Variants in SLC35E2B observed in about 807,000 individuals in gnomAD.
The protein encoded by SLC35E2B is solute carrier family 35, member E2B.
A neutral mutation model predicts 32.4 loss-of-function variants in SLC35E2B; 18 were observed. That is an observed-to-expected ratio of 0.56 (90% CI 0.38 to 0.82). The LOEUF is 0.82. SLC35E2B is among the 40% of genes least tolerant of loss of function. The pLI, the probability that SLC35E2B is intolerant of heterozygous loss-of-function variation, is 0.00. For missense variants in SLC35E2B, 263 were observed against 469.5 expected (o/e 0.56, Z 4.06); for synonymous variants, 132 against 209.1 (o/e 0.63, Z 3.18).
At chr1:1,679,701 T>C (rs891460780) in intron 2 of SLC35E2B, among the ~76,000 whole-genome samples, 3 of 150,818 alleles carry the variant, frequency 2.0e-5, no homozygotes, top group African/African-American at 7.3e-5. Flanking sequence ...GTGTGGTGGC[T>C]GGCACCTGTA....
intron 8 of SLC35E2B, 130 bp downstream of exon 8, chr1:1,669,534 A>G (rs1643629931): frequency 1.1e-6 from 1 of 890,978 alleles, no homozygotes; most frequent in Non-Finnish European, 1.7e-6. Flanking sequence ...AACTCAGCTA[A>G]GCAGGACCCG....
intron 2 of SLC35E2B, among the ~76,000 whole-genome samples, chr1:1,680,113 G>A (rs1643888182): frequency 1.3e-5 from 2 of 151,388 alleles, no homozygotes; most frequent in Admixed American, 6.6e-5. Context: ...GGCAACAAGA[G>A]TGAAACTCCG....
At chr1:1,690,323 T>TATATAC (rs1557768927) in intron 2 of SLC35E2B, among the ~76,000 whole-genome samples, 1 of 142,076 alleles carries the variant, frequency 7.0e-6, no homozygotes, top group African/African-American at 2.6e-5. Flanking sequence ...TATATATATA[T>TATATAC]ACATACCATA....
rs77628519 is a variant in SLC35E2B at position 1,679,379 on chromosome 1, C to T, written c.-147-2533G>A. ...AAAACTGCTCCCCGCAATGAGGACC[C>T]CCATTCCCCTTCTCTGCTGACACTG... is the stretch of plus-strand genomic sequence containing the variant. On this transcript the variant is annotated intron_variant, in intron 2 of 9. Transcript: ENST00000617444. 3.4e-3 allele frequency among the ~76,000 whole-genome samples: 515 copies of T among 152,240 alleles called. 5 individuals are homozygous for T. The highest frequency in any genetic ancestry group is 7.8e-3 in the African/African-American group (323 of 41,494).
Position 1,675,608 on chromosome 1 carries a change from G to A in SLC35E2B, c.459-18C>T, listed in dbSNP as rs1318104785. 3 of 1,523,412 alleles carry A rather than the reference G, an allele frequency of 2.0e-6. No homozygotes were observed. The highest frequency in any genetic ancestry group is 1.8e-6 in the Non-Finnish European group (2 of 1,136,582). 94.4% of individuals were successfully genotyped at this position (1,523,412 alleles called of 1,614,324 possible). ...TTGCAAACCTAAAAATGAGCCAAAA[G>A]CACCATCACCTTAGAACGAGTCTGT... is the stretch of plus-strand genomic sequence containing the variant. On this transcript the variant is annotated intron_variant, in intron 4 of 9. Coordinates refer to ENST00000617444, the MANE Select transcript of SLC35E2B (RefSeq NM_001290264.2).
intron 6 of SLC35E2B, 158 bp downstream of exon 6, chr1:1,671,351 G>T: frequency 1.2e-6 from 1 of 810,432 alleles, no homozygotes; most frequent in Non-Finnish European, 1.7e-6. Flanking sequence ...CTTACCTGCC[G>T]GGGATACCTG....
Position 1,665,434 on chromosome 1 carries a change from G to A in SLC35E2B, c.*348C>T, listed in dbSNP as rs191125202. The stretch of plus-strand genomic sequence containing the variant: ...TTGGCTGTGGCAGGGAGCGGCTCTC[G>A]TTGGCACTGGACCCACCTCTGGCTC... On this transcript the variant is annotated 3_prime_UTR_variant, in exon 10 of 10. Transcript: ENST00000617444. 241 of 480,760 alleles carry A rather than the reference G, an allele frequency of 5.0e-4. 2 individuals are homozygous for A. Among genetic ancestry groups the A allele is most frequent in the African/African-American group, 4.3e-3 (217 of 50,762 alleles). The allele number at this position is 480,760 out of a possible 1,614,324, so 29.8% of individuals were successfully genotyped here.
chr1:1,677,499 A>T, intron 2 of SLC35E2B, among the ~76,000 whole-genome samples: 1 of 134,588 alleles, frequency 7.4e-6, no homozygotes. Flanking sequence ...TTTTTTTGAG[A>T]CGGAGTATTG....
At chr1:1,672,076 TA>T in intron 5 of SLC35E2B, 1 of 153,448 alleles carries the variant, frequency 6.5e-6, no homozygotes, top group Non-Finnish European at 1.5e-5. Context: ...GAAGGATTTT[TA>T]AAAAATCTAT....
At chr1:1,667,417 A>AAATG (rs1643576265) in intron 9 of SLC35E2B, among the ~76,000 whole-genome samples, 6 of 25,248 alleles carry the variant, frequency 2.4e-4, no homozygotes, top group African/African-American at 7.0e-4. Context: ...TGTCTCAAAA[A>AAATG]AATAAATAAA....
rs1372323271 is a variant in SLC35E2B, at chr1:1,669,682, C to T, written c.816G>A (p.Pro272=). 9.8e-6 allele frequency: 15 copies of T among 1,528,926 alleles called. No homozygotes were observed. The highest frequency in any genetic ancestry group is 4.8e-5 in the South Asian group (4 of 83,568). 94.7% of individuals were successfully genotyped at this position (1,528,926 alleles called of 1,614,324 possible). ...AACCCACCGTAAAGAAAACCCGGGCCGGGACGAGCATGGCCACCGCAGCGG... is the reference window on the plus strand; with the variant it reads ...AACCCACCGTAAAGAAAACCCGGGCTGGGACGAGCATGGCCACCGCAGCGG... ...TSAAAVAMLV[P]ARVFFTDVPV... The change falls in exon 8 of 10, where the codon CCG becomes CCA. Residue 272 remains proline, a synonymous_variant. Transcript: ENST00000617444.
intron 2 of SLC35E2B, among the ~76,000 whole-genome samples, chr1:1,682,968 T>G (rs958009270): frequency 6.6e-6 from 1 of 151,828 alleles, no homozygotes; most frequent in Non-Finnish European, 1.5e-5. Context: ...TCCCACCTAC[T>G]CAAGAGGTTG....
In SLC35E2B at chr1:1,665,063, C is replaced by A. The variant is rs1444518518; in HGVS notation, c.*719G>T. The A allele has an allele frequency of 1.5e-6, 1 of 650,326 alleles. No homozygotes were observed. The highest frequency in any genetic ancestry group is 1.9e-6 in the Non-Finnish European group (1 of 523,136). 40.3% of individuals were successfully genotyped at this position (650,326 alleles called of 1,614,324 possible). A position where few individuals can be genotyped will look rare whatever the true frequency, so the allele number is the denominator to read the frequency against. On this transcript the variant is annotated 3_prime_UTR_variant, in exon 10 of 10. Transcript: ENST00000617444. ...GCCCTGGGGTTGCGGGGAGCTCACG[C>A]AGCCCAGGGTGTGGAAGGGATAGGA...
intron 2 of SLC35E2B, among the ~76,000 whole-genome samples, chr1:1,681,546 G>A (rs918737038): frequency 4.8e-5 from 7 of 146,732 alleles, no homozygotes; most frequent in Admixed American, 2.1e-4. Context: ...TTACTCTGTC[G>A]CCCAGGCTAG....
At position 1,681,071 on chromosome 1, in the gene SLC35E2B, G is replaced by A. The variant is rs536730283; in HGVS notation, c.-147-4225C>T. The stretch of plus-strand genomic sequence containing the variant: ...CAGCCAACTCAAGGGCAGCCAGGCA[G>A]GAGCCACCCCTGCAGAGGCACCCAC... On this transcript the variant is annotated intron_variant, in intron 2 of 9. Coordinates refer to ENST00000617444, the MANE Select transcript of SLC35E2B (RefSeq NM_001290264.2). Among the ~76,000 whole-genome samples the A allele has an allele frequency of 2.2e-3, 337 of 152,242 alleles. 3 individuals carry two copies. Among genetic ancestry groups the A allele is most frequent in the African/African-American group, 7.7e-3 (321 of 41,512 alleles).
At chr1:1,669,864 G>C (rs1459227176) in intron 7 of SLC35E2B, 128 bp from the exon 8 acceptor site, 1 of 1,037,150 alleles carries the variant, frequency 9.6e-7, no homozygotes, top group Non-Finnish European at 1.5e-6. Context: ...ACAGGACTAG[G>C]GTGCTGCAGC....
chr1:1,679,706 C>G (rs945962840), intron 2 of SLC35E2B, among the ~76,000 whole-genome samples: 7 of 151,010 alleles, frequency 4.6e-5, no homozygotes, highest in East Asian at 1.9e-4. Context: ...GTGGCTGGCA[C>G]CTGTAATCCC....
intron 5 of SLC35E2B, 123 bp from the exon 6 acceptor site, chr1:1,671,752 A>C: frequency 9.5e-7 from 1 of 1,047,486 alleles, no homozygotes; most frequent in Non-Finnish European, 1.3e-6. Context: ...CAAAAACAAT[A>C]CTTGTCAGTT....
chr1:1,681,089 G>A (rs376756450), intron 2 of SLC35E2B, among the ~76,000 whole-genome samples: 4 of 152,178 alleles, frequency 2.6e-5, no homozygotes, highest in African/African-American at 9.6e-5. Flanking sequence ...CCCTGCAGAG[G>A]CACCCACGGT....
Sources: gnomAD v4.1 joint callset for allele counts (sites outside exome capture counted in the v4.1 genomes callset) on GRCh38, gnomAD v4.1.1 for gene constraint, MANE v1.5 for transcripts, NCBI Gene and HGNC (gene_info 2026-07-23, HGNC 2026-07-21) for gene names.